PKP4: variants seen among roughly 807,000 people sequenced by gnomAD.
PKP4 encodes the protein plakophilin-4.
In PKP4, 90 loss-of-function variants were observed where a neutral mutation model predicts 145.1. That is an observed-to-expected ratio of 0.62 (90% CI 0.52 to 0.74). PKP4 has a LOEUF of 0.74. Ranked by LOEUF, PKP4 falls within the 30% of genes least tolerant of loss-of-function variation. The pLI is 0.00. For missense variants in PKP4, 1,340 were observed against 1,482.7 expected (o/e 0.90, Z 1.58); for synonymous variants, 563 against 577.2 (o/e 0.98, Z 0.35).
rs571046392 is a variant in PKP4, at chr2:158,477,060, A to G, written c.-6+19842A>G. Among the ~76,000 whole-genome samples, 26 of 150,064 alleles carry G rather than the reference A, an allele frequency of 1.7e-4. No individual in the cohort carries two copies. In the South Asian group the frequency reaches 2.5e-3, roughly 15 times the overall value. ...TTAATTCATCCCTTAAAATTGGACA[A>G]TTTTTTTTTTGCTTTTATAAATAAT... On this transcript the variant is annotated intron_variant, in intron 1 of 21. Transcript: ENST00000389759.
chr2:158,502,324 C>A (rs996452452), intron 1 of PKP4, among the ~76,000 whole-genome samples: 3 of 152,128 alleles, frequency 2.0e-5, no homozygotes, highest in African/African-American at 7.2e-5. Flanking sequence ...AATTCTGGTT[C>A]TGGTCTTTCT....
At chr2:158,536,249 C>T (rs1032837981) in intron 2 of PKP4, among the ~76,000 whole-genome samples, 10 of 152,216 alleles carry the variant, frequency 6.6e-5, no homozygotes, top group African/African-American at 2.4e-4. Context: ...TCATATTGAT[C>T]TCACAAAAAC....
intron 1 of PKP4, among the ~76,000 whole-genome samples, chr2:158,486,135 T>TA (rs1694136250): frequency 6.6e-6 from 1 of 152,234 alleles, no homozygotes; most frequent in South Asian, 2.1e-4. Flanking sequence ...ATTTTGAAGA[T>TA]ACTTGGCAGC....
chr2:158,646,782 A>G (rs1333602686), intron 11 of PKP4, among the ~76,000 whole-genome samples: 1 of 152,156 alleles, frequency 6.6e-6, no homozygotes, highest in Non-Finnish European at 1.5e-5. Flanking sequence ...CAGTGCATGA[A>G]TCTCCTGTAC....
chr2:158,525,762 G>A (rs2042862154), intron 1 of PKP4, among the ~76,000 whole-genome samples: 2 of 146,200 alleles, frequency 1.4e-5, no homozygotes, highest in Admixed American at 1.4e-4. Flanking sequence ...AAAAAAGAGA[G>A]GAGAATCAAA....
chr2:158,662,708 T>C, intron 13 of PKP4, 189 bp from the exon 14 acceptor site: 1 of 488,394 alleles, frequency 2.0e-6, no homozygotes. Context: ...GGGCTCTGCA[T>C]CCTGTCATCT....
chr2:158,661,460 G>C lies in PKP4; in HGVS notation c.2211+10G>C, dbSNP rs143322313. ...CGATTACGACAGCAAGGTCAGTGCC[G>C]GCCTGGTTGCAGGAGGGCGTGGTGG... On this transcript the variant is annotated intron_variant, in intron 13 of 21. Transcript: ENST00000389759. 4.7e-5 allele frequency: 73 copies of C among 1,563,212 alleles called. No homozygotes were observed. Among genetic ancestry groups the C allele is most frequent in the Non-Finnish European group, 6.2e-5 (70 of 1,134,582 alleles).
intron 1 of PKP4, among the ~76,000 whole-genome samples, 197 bp from the exon 2 acceptor site, chr2:158,532,983 T>C (rs1369077987): frequency 6.6e-6 from 1 of 152,156 alleles, no homozygotes; most frequent in Non-Finnish European, 1.5e-5. Context: ...ATCTAGAATG[T>C]TTATTATTTA....
At chr2:158,482,473 G>A (rs1693509803) in intron 1 of PKP4, among the ~76,000 whole-genome samples, 1 of 152,150 alleles carries the variant, frequency 6.6e-6, no homozygotes, top group African/African-American at 2.4e-5. Flanking sequence ...TTACTCTAAG[G>A]AAAATGTCAG....
At chr2:158,552,443 ATGTGGAATTGC>A (rs1254948554) in intron 2 of PKP4, among the ~76,000 whole-genome samples, 1 of 152,208 alleles carries the variant, frequency 6.6e-6, no homozygotes, top group Non-Finnish European at 1.5e-5. Context: ...ATACCTAAAA[ATGTGGAATTGC>A]TGTGGAATTG....
intron 1 of PKP4, among the ~76,000 whole-genome samples, chr2:158,481,761 A>G (rs571054450): frequency 1.2e-4 from 18 of 152,332 alleles, no homozygotes; most frequent in South Asian, 2.1e-4. Context: ...TATAAGTACT[A>G]TGATTACTTT....
At chr2:158,638,227 T>C (rs943380108) in intron 9 of PKP4, among the ~76,000 whole-genome samples, 3 of 152,244 alleles carry the variant, frequency 2.0e-5, no homozygotes, top group Non-Finnish European at 1.5e-5. Flanking sequence ...CTATTTAGAA[T>C]AGCTCATTTT....
chr2:158,465,771 G>A (rs1349921621), intron 1 of PKP4, among the ~76,000 whole-genome samples: 1 of 151,986 alleles, frequency 6.6e-6, no homozygotes, highest in Admixed American at 6.6e-5. Flanking sequence ...TCATTTTGTC[G>A]ACAACTACAT....
At chr2:158,605,704 T>C (rs2050601194) in intron 4 of PKP4, among the ~76,000 whole-genome samples, 1 of 152,222 alleles carries the variant, frequency 6.6e-6, no homozygotes, top group South Asian at 2.1e-4. Flanking sequence ...TTTTTTAGTA[T>C]ATTCTGACTT....
At chr2:158,529,397 C>G (rs1157538681) in intron 1 of PKP4, among the ~76,000 whole-genome samples, 2 of 152,180 alleles carry the variant, frequency 1.3e-5, no homozygotes, top group Non-Finnish European at 2.9e-5. Flanking sequence ...TCTCATGTCT[C>G]CCAGTGAGCT....
At chr2:158,585,478 T>C (rs1434198400) in intron 3 of PKP4, among the ~76,000 whole-genome samples, 1 of 152,218 alleles carries the variant, frequency 6.6e-6, no homozygotes, top group African/African-American at 2.4e-5. Context: ...TTGATATTAC[T>C]AAAAATCCTA....
intron 1 of PKP4, among the ~76,000 whole-genome samples, chr2:158,522,873 C>CG (rs1553558916): frequency 2.6e-5 from 4 of 152,176 alleles, no homozygotes; most frequent in African/African-American, 4.8e-5. Flanking sequence ...GGGTGACGGA[C>CG]GCACCTGGAA....
intron 1 of PKP4, among the ~76,000 whole-genome samples, chr2:158,466,699 C>T (rs1304118940): frequency 1.3e-5 from 2 of 152,056 alleles, no homozygotes; most frequent in Non-Finnish European, 2.9e-5. Flanking sequence ...AGCGAAACTC[C>T]ATTTCAAAAA....
At position 158,674,759 on chromosome 2, in the gene PKP4, GA is replaced by G. The variant is rs554087839; in HGVS notation, c.3127+762del. Among the ~76,000 whole-genome samples, 551 of 152,252 alleles carry G rather than the reference GA, an allele frequency of 3.6e-3. 3 individuals carry two copies. The highest frequency in any genetic ancestry group is 0.013 in the African/African-American group (534 of 41,542). On this transcript the variant is annotated intron_variant, in intron 19 of 21. Transcript: ENST00000389759. ...ATAAATCTAATTCTTTCCAAAATGA[GA>G]AAGGAAAAATAATAAGTATCTTATT...
Sources: allele counts gnomAD v4.1 joint callset (sites outside exome capture counted in the v4.1 genomes callset), GRCh38; gene constraint gnomAD v4.1.1; transcripts MANE v1.5; gene names NCBI Gene and HGNC (gene_info 2026-07-23, HGNC 2026-07-21).